The following NAV1 variants were observed in gnomAD, a reference collection of about 807,000 sequenced individuals.
NAV1 encodes pore membrane and/or filament interacting like protein 3.
NAV1 carries 18 observed loss-of-function variants against 175.2 expected under a neutral mutation model. The ratio of observed to expected loss-of-function variants is 0.10; its 90% CI spans 0.07 to 0.15. NAV1 has a LOEUF of 0.15. NAV1 is among the 10% of genes least tolerant of loss of function. The pLI is 1.00. For missense variants in NAV1, 1,731 were observed against 2,436.6 expected (o/e 0.71, Z 6.10); for synonymous variants, 897 against 978.7 (o/e 0.92, Z 1.56).
chr1:201,598,626 G>A (rs1298390841), intron 2 of NAV1, among the ~76,000 whole-genome samples: 1 of 152,188 alleles, frequency 6.6e-6, no homozygotes, highest in Non-Finnish European at 1.5e-5. Flanking sequence ...TAGGAGCAGG[G>A]GGTGGAGCTG....
intron 1 of NAV1, among the ~76,000 whole-genome samples, chr1:201,685,571 T>C (rs375458977): frequency 6.6e-6 from 1 of 152,206 alleles, no homozygotes; most frequent in East Asian, 1.9e-4. Context: ...TATTTCCTGA[T>C]GTGAGGCCAG....
chr1:201,704,316 G>A (rs1026444178), intron 1 of NAV1, among the ~76,000 whole-genome samples: 6 of 152,228 alleles, frequency 3.9e-5, no homozygotes, highest in South Asian at 4.1e-4. Flanking sequence ...TGAGCGAGAC[G>A]CTGTCCACCT....
exon 1 of NAV1, chr1:201,623,008 C>T (rs1187629438): frequency 4.1e-6 from 4 of 986,178 alleles, no homozygotes; most frequent in African/African-American, 3.5e-5. Flanking sequence ...GCTGCGGCCA[C>T]GCCAGGCCGG....
intron 1 of NAV1, among the ~76,000 whole-genome samples, chr1:201,658,969 C>T (rs1669507983): frequency 6.6e-6 from 1 of 152,216 alleles, no homozygotes; most frequent in African/African-American, 2.4e-5. Flanking sequence ...TGGTATGCCA[C>T]CAGGCTGTTC....
At chr1:201,659,922 G>A (rs1266417972) in intron 1 of NAV1, among the ~76,000 whole-genome samples, 3 of 152,190 alleles carry the variant, frequency 2.0e-5, no homozygotes, top group Non-Finnish European at 4.4e-5. Context: ...GCATTGCCAT[G>A]GGATTCCATT....
At chr1:201,650,190 A>G (rs976700113) in intron 1 of NAV1, among the ~76,000 whole-genome samples, 19 of 152,316 alleles carry the variant, frequency 1.2e-4, no homozygotes, top group Non-Finnish European at 2.2e-4. Flanking sequence ...AGGGAGGAAC[A>G]AAGCTTGCTC....
At chr1:201,772,381 G>A (rs1675644887) in intron 3 of NAV1, among the ~76,000 whole-genome samples, 1 of 152,210 alleles carries the variant, frequency 6.6e-6, no homozygotes, top group African/African-American at 2.4e-5. Flanking sequence ...ACAGATCACT[G>A]CATAGTGGTG....
At chr1:201,649,045 G>T (rs930332002) in exon 1 of NAV1, 7 of 1,613,452 alleles carry the variant, frequency 4.3e-6, no homozygotes, top group Non-Finnish European at 5.9e-6. Context: ...GGCAAGGTGG[G>T]GTCCAAGGGC....
At chr1:201,778,753 T>G (rs569817407) in intron 3 of NAV1, among the ~76,000 whole-genome samples, 1 of 152,238 alleles carries the variant, frequency 6.6e-6, no homozygotes, top group South Asian at 2.1e-4. Context: ...CCCACTTTCC[T>G]ATTCCCAGCA....
intron 3 of NAV1, among the ~76,000 whole-genome samples, chr1:201,731,203 C>T (rs1405286809): frequency 6.6e-6 from 1 of 151,912 alleles, no homozygotes; most frequent in African/African-American, 2.4e-5. Flanking sequence ...TCAGCACGTT[C>T]GTGATGTGCA....
At chr1:201,814,956 G>A (rs576154472) in intron 28 of NAV1, among the ~76,000 whole-genome samples, 3 of 150,056 alleles carry the variant, frequency 2.0e-5, no homozygotes, top group Admixed American at 6.7e-5. Flanking sequence ...GAAGAATGGC[G>A]TGAACCTGGG....
chr1:201,659,082 T>C (rs1397907778), intron 1 of NAV1, among the ~76,000 whole-genome samples: 1 of 152,194 alleles, frequency 6.6e-6, no homozygotes, highest in Non-Finnish European at 1.5e-5. Flanking sequence ...TGGGAAGTGC[T>C]CTGCTGAAAA....
At chr1:201,571,898 CAT>C in intron 1 of NAV1, among the ~76,000 whole-genome samples, 1 of 152,292 alleles carries the variant, frequency 6.6e-6, no homozygotes, top group African/African-American at 2.4e-5. Context: ...AAAAGTACCA[CAT>C]ATGTTAATGA....
intron 2 of NAV1, among the ~76,000 whole-genome samples, chr1:201,609,404 C>T (rs1667782781): frequency 6.6e-6 from 1 of 152,200 alleles, no homozygotes; most frequent in African/African-American, 2.4e-5. Context: ...GTGGCCTGGG[C>T]CTCTGGGCTG....
chr1:201,740,655 C>T lies in NAV1; in HGVS notation c.1226+21900C>T, dbSNP rs1673362355. 1.3e-5 allele frequency among the ~76,000 whole-genome samples: 2 copies of T among 152,142 alleles called. No individual in the cohort carries two copies. The highest frequency in any genetic ancestry group is 1.3e-4 in the Admixed American group (2 of 15,284). Reference sequence around the variant, plus strand: ...TTGTGACCGTACTGCTGGCTGGATACTTCCGAGAGAGAGTGAAGCCTGGTG... The same window carrying T: ...TTGTGACCGTACTGCTGGCTGGATATTTCCGAGAGAGAGTGAAGCCTGGTG... On this transcript the variant is annotated intron_variant, in intron 3 of 29. Coordinates refer to ENST00000367296, the Ensembl canonical transcript of NAV1. This position sits in a 1 kb window ranked among gnomAD's most constrained non-coding sequence, Gnocchi z 4.7.
rs75120673 is a variant in NAV1, at chr1:201,776,051, G to A, written c.1227-4370G>A. On this transcript the variant is annotated intron_variant, in intron 3 of 29. Transcript: ENST00000367296. ...AGCCTGGGTAAGAATACAAGATCCC[G>A]TCTCTAAAATATACATATACATATA... Among the ~76,000 whole-genome samples the A allele has an allele frequency of 9.9e-4, 151 of 151,920 alleles. 1 individual carries two copies. In the East Asian group the frequency reaches 0.026, roughly 26 times the overall value.
chr1:201,698,569 T>C (rs1268911541), intron 1 of NAV1, among the ~76,000 whole-genome samples: 1 of 152,218 alleles, frequency 6.6e-6, no homozygotes, highest in Non-Finnish European at 1.5e-5. Flanking sequence ...ACATCCTACA[T>C]AGAAGACTGC....
At chr1:201,580,589 A>C (rs1241600046) in intron 1 of NAV1, among the ~76,000 whole-genome samples, 1 of 152,158 alleles carries the variant, frequency 6.6e-6, no homozygotes, top group African/African-American at 2.4e-5. Context: ...CCTGGCCAAC[A>C]TGGTGAAACC....
exon 30 of NAV1, chr1:201,822,473 C>T (rs1571527320): frequency 6.6e-6 from 1 of 152,640 alleles, no homozygotes; most frequent in African/African-American, 2.4e-5. Flanking sequence ...TTACTGGCTA[C>T]TTGAGAAAAA....
Sources: gnomAD v4.1 joint callset for allele counts (sites outside exome capture counted in the v4.1 genomes callset) on GRCh38, gnomAD v4.1.1 for gene constraint, Gnocchi (gnomAD v3.1) non-coding constraint, MANE v1.5 for transcripts, NCBI Gene and HGNC (gene_info 2026-07-23, HGNC 2026-07-21) for gene names.